Variants in SEM1 observed in about 807,000 individuals in gnomAD.
The protein encoded by SEM1 is 26S proteasome complex subunit SEM1.
Under a neutral mutation model 12.7 loss-of-function variants are expected in SEM1, and 3 were observed. The observed-to-expected ratio is 0.24, with a 90% CI of 0.11 to 0.61. The LOEUF (loss-of-function observed/expected upper bound fraction) is 0.61, where lower values mean the gene tolerates loss of function less well. Ranked by LOEUF, SEM1 falls within the 20% of genes least tolerant of loss-of-function variation. SEM1 has a pLI of 0.88. For synonymous variants in SEM1, 30 were observed against 27.8 expected, an observed-to-expected ratio of 1.08 and a Z score of -0.25; for missense variants, 59 against 81.3, an observed-to-expected ratio of 0.73 and a Z score of 1.06.
intron 3 of SEM1, chr7:96,484,791 C>A (rs1280248104): frequency 8.1e-7 from 1 of 1,239,550 alleles, no homozygotes. Flanking sequence ...GAAAAGTTAC[C>A]CATTTATATC....
chr7:96,528,935 G>A lies in SEM1; in HGVS notation c.171-22237C>T, dbSNP rs114418501. On this transcript the variant is annotated intron_variant and NMD_transcript_variant, in intron 2 of 3. Coordinates refer to the SEM1 transcript ENST00000466986. The stretch of plus-strand genomic sequence containing the variant: ...ATATTGTATTCTAAAATATATTCCC[G>A]TACCTAATAAATTTAATGCAATTTA... 8.0e-3 allele frequency among the ~76,000 whole-genome samples: 1,219 copies of A among 152,044 alleles called. 17 individuals carry two copies. The highest frequency in any genetic ancestry group is 0.028 in the African/African-American group (1,155 of 41,478).
At chr7:96,546,196 G>A (rs944771132) in intron 2 of SEM1, among the ~76,000 whole-genome samples, 7 of 152,006 alleles carry the variant, frequency 4.6e-5, no homozygotes, top group Admixed American at 3.9e-4. Flanking sequence ...AAGACTGATC[G>A]GACACCTACT....
At chr7:96,642,030 T>A (rs898870218) in intron 2 of SEM1, among the ~76,000 whole-genome samples, 1 of 152,044 alleles carries the variant, frequency 6.6e-6, no homozygotes. Flanking sequence ...ATGGGTGGCA[T>A]TAACCACATG....
intron 2 of SEM1, among the ~76,000 whole-genome samples, chr7:96,587,377 G>A (rs1274576624): frequency 6.6e-6 from 1 of 152,004 alleles, no homozygotes; most frequent in Non-Finnish European, 1.5e-5. Context: ...CTCTTCCTTG[G>A]AGCAGTCTTG....
At chr7:96,663,764 G>A (rs1046852492) in intron 2 of SEM1, among the ~76,000 whole-genome samples, 3 of 152,096 alleles carry the variant, frequency 2.0e-5, no homozygotes, top group Non-Finnish European at 4.4e-5. Context: ...AGTAACAGAA[G>A]ACTGGAACAC....
At chr7:96,696,222 T>C (rs1383386433) in intron 1 of SEM1, 1 of 151,794 alleles carries the variant, frequency 6.6e-6, no homozygotes, top group Non-Finnish European at 1.5e-5. Context: ...AAAGTAGAGA[T>C]AAAGTCCCAG....
intron 2 of SEM1, among the ~76,000 whole-genome samples, chr7:96,559,021 G>C (rs1325090109): frequency 6.6e-6 from 1 of 152,084 alleles, no homozygotes; most frequent in Non-Finnish European, 1.5e-5. Context: ...TAGTTAATGG[G>C]CAGTGTAAAT....
At chr7:96,594,839 T>G (rs986286797) in intron 2 of SEM1, among the ~76,000 whole-genome samples, 23 of 152,170 alleles carry the variant, frequency 1.5e-4, no homozygotes, top group Non-Finnish European at 2.6e-4. Flanking sequence ...ACACTAAAAA[T>G]GAGTGATGAA....
At chr7:96,673,782 C>T (rs2115596333) in exon 3 of SEM1, 1 of 765,278 alleles carries the variant, frequency 1.3e-6, no homozygotes, top group East Asian at 2.4e-5. Context: ...GAAAGCACTG[C>T]ACATTCTTCC....
chr7:96,650,247 A>T, intron 2 of SEM1: 1 of 421,578 alleles, frequency 2.4e-6, no homozygotes. Flanking sequence ...AAAACTAAGG[A>T]TCAACAGAAC....
At chr7:96,526,709 C>T (rs1804474586) in intron 2 of SEM1, among the ~76,000 whole-genome samples, 1 of 152,096 alleles carries the variant, frequency 6.6e-6, no homozygotes, top group African/African-American at 2.4e-5. Flanking sequence ...AGAAGCTGCA[C>T]ATGACTCCCC....
intron 2 of SEM1, among the ~76,000 whole-genome samples, chr7:96,662,626 T>A (rs1407762264): frequency 1.3e-5 from 2 of 152,172 alleles, no homozygotes; most frequent in Non-Finnish European, 2.9e-5. Context: ...CCATGGCACA[T>A]GTATATCTAC....
intron 2 of SEM1, among the ~76,000 whole-genome samples, chr7:96,613,574 T>C (rs1313396841): frequency 3.3e-5 from 5 of 152,226 alleles, no homozygotes; most frequent in African/African-American, 9.7e-5. Context: ...CTTTTAGCTA[T>C]TTTAAAATAT....
chr7:96,652,174 C>T (rs1156276049), intron 2 of SEM1, among the ~76,000 whole-genome samples: 1 of 152,058 alleles, frequency 6.6e-6, no homozygotes, highest in African/African-American at 2.4e-5. Flanking sequence ...AAATTAAATG[C>T]ACACTCAAGT....
intron 2 of SEM1, among the ~76,000 whole-genome samples, chr7:96,584,112 T>A (rs1337508530): frequency 1.3e-5 from 2 of 152,202 alleles, no homozygotes; most frequent in African/African-American, 4.8e-5. Context: ...GTACCAGTTG[T>A]TCCTTTCCAT....
chr7:96,558,367 T>C (rs1183156981), intron 2 of SEM1: 3 of 152,264 alleles, frequency 2.0e-5, no homozygotes, highest in Non-Finnish European at 2.9e-5. Context: ...AATACAAGCA[T>C]GCATGTGACG....
intron 2 of SEM1, among the ~76,000 whole-genome samples, chr7:96,544,216 T>C (rs546509143): frequency 1.6e-4 from 25 of 152,152 alleles, no homozygotes; most frequent in Non-Finnish European, 3.4e-4. Flanking sequence ...TATTATAAAT[T>C]TTGCATATGT....
intron 2 of SEM1, among the ~76,000 whole-genome samples, chr7:96,596,483 G>A (rs530996105): frequency 3.9e-5 from 6 of 152,194 alleles, no homozygotes; most frequent in Admixed American, 1.3e-4. Flanking sequence ...CCATTAAGTC[G>A]GTCCAATTCA....
At chr7:96,493,994 T>C (rs1803133342) in intron 1 of SEM1, among the ~76,000 whole-genome samples, 1 of 152,158 alleles carries the variant, frequency 6.6e-6, no homozygotes, top group South Asian at 2.1e-4. Flanking sequence ...ATCCTAAGAT[T>C]CTGGACAGAT....
Sources: allele counts gnomAD v4.1 joint callset (sites outside exome capture counted in the v4.1 genomes callset), GRCh38; gene constraint gnomAD v4.1.1; transcripts MANE v1.5; gene names NCBI Gene and HGNC (gene_info 2026-07-23, HGNC 2026-07-21).